The following LDB2 variants were observed in gnomAD, a reference collection of about 807,000 sequenced individuals.
The protein encoded by LDB2 is LIM domain binding 2, also known as LIM domain-binding protein 2.
LDB2 carries 12 observed loss-of-function variants against 44.3 expected under a neutral mutation model. That is an observed-to-expected ratio of 0.27 (90% CI 0.17 to 0.44). The LOEUF (loss-of-function observed/expected upper bound fraction) is 0.44, where lower values mean the gene tolerates loss of function less well. LDB2 is among the 20% of genes least tolerant of loss of function. LDB2 has a pLI of 1.00. For synonymous variants in LDB2, 164 were observed against 174.8 expected (o/e 0.94, Z 0.49); for missense variants, 344 against 473.5 (o/e 0.73, Z 2.54).
intron 2 of LDB2, among the ~76,000 whole-genome samples, chr4:16,690,459 C>CAGGACGGAAGGAAGGAAGGA (rs1750359720): frequency 2.0e-5 from 1 of 50,274 alleles, no homozygotes; most frequent in Admixed American, 3.0e-4. Flanking sequence ...GAAGACCCTG[C>CAGGACGGAAGGAAGGAAGGA]AGGAAGGAAG....
intron 1 of LDB2, among the ~76,000 whole-genome samples, chr4:16,878,011 G>A (rs944128255): frequency 5.9e-5 from 9 of 152,064 alleles, no homozygotes; most frequent in Non-Finnish European, 1.2e-4. Context: ...AAATGGCAAA[G>A]AGAATAAACT....
At chr4:16,780,398 T>G (rs973963477) in intron 1 of LDB2, among the ~76,000 whole-genome samples, 3 of 152,076 alleles carry the variant, frequency 2.0e-5, no homozygotes, top group African/African-American at 7.2e-5. Flanking sequence ...AATTTTTGTA[T>G]TTTTGGTACT....
intron 1 of LDB2, among the ~76,000 whole-genome samples, chr4:16,768,272 G>A (rs1053245265): frequency 1.6e-4 from 24 of 152,080 alleles, no homozygotes; most frequent in African/African-American, 5.6e-4. Flanking sequence ...GGAGATGGGA[G>A]GGCATTGACT....
chr4:16,634,043 G>A (rs1467348417), intron 2 of LDB2, among the ~76,000 whole-genome samples: 1 of 152,118 alleles, frequency 6.6e-6, no homozygotes, highest in Non-Finnish European at 1.5e-5. Context: ...ATGGTGTTGG[G>A]AAAACTGGCT....
At chr4:16,706,842 T>A (rs2152648765) in intron 2 of LDB2, among the ~76,000 whole-genome samples, 1 of 152,126 alleles carries the variant, frequency 6.6e-6, no homozygotes, top group East Asian at 1.9e-4. Flanking sequence ...CTCAGATACC[T>A]CAAGGCAGAT....
intron 1 of LDB2, among the ~76,000 whole-genome samples, chr4:16,818,861 C>A (rs886852169): frequency 6.6e-6 from 1 of 152,158 alleles, no homozygotes; most frequent in Non-Finnish European, 1.5e-5. Context: ...GACAGGGTTA[C>A]TTGAATTTAG....
At chr4:16,886,394 T>C (rs968800009) in intron 1 of LDB2, among the ~76,000 whole-genome samples, 4 of 152,222 alleles carry the variant, frequency 2.6e-5, no homozygotes, top group African/African-American at 4.8e-5. Context: ...AAAATACTCA[T>C]AATTTTACTT....
intron 5 of LDB2, among the ~76,000 whole-genome samples, chr4:16,551,462 T>C (rs1012820853): frequency 6.6e-6 from 1 of 152,178 alleles, no homozygotes; most frequent in African/African-American, 2.4e-5. Context: ...CATGAAAAAG[T>C]CCTCTGTAAG....
At position 16,763,073 on chromosome 4, in the gene LDB2, C is replaced by CCACACACA. The variant is rs57168902; in HGVS notation, c.133-3821_133-3814dup. Among the ~76,000 whole-genome samples, 58 of 140,234 alleles carry CCACACACA rather than the reference C, an allele frequency of 4.1e-4. 1 individual carries two copies. Among genetic ancestry groups the CCACACACA allele is most frequent in the South Asian group, 2.9e-3 (12 of 4,114 alleles). The allele number at this position is 140,234 out of a possible 152,430, so 92.0% of individuals were successfully genotyped here. ...GGGAGAATGGGCACATTAGGTAACA[C>CCACACACA]CACACACACACACACACACACACAC... On this transcript the variant is annotated intron_variant, in intron 1 of 7. Transcript: ENST00000304523.
chr4:16,753,730 G>A (rs1765927786), intron 2 of LDB2, among the ~76,000 whole-genome samples: 1 of 152,168 alleles, frequency 6.6e-6, no homozygotes, highest in Non-Finnish European at 1.5e-5. Flanking sequence ...TCCAGACAGG[G>A]TACTAAGGTC....
intron 1 of LDB2, among the ~76,000 whole-genome samples, chr4:16,822,478 T>G (rs1782285129): frequency 6.6e-6 from 1 of 152,144 alleles, no homozygotes; most frequent in Non-Finnish European, 1.5e-5. Flanking sequence ...ACTCTCTACA[T>G]AATCTTAGTT....
chr4:16,628,872 T>C (rs999864838), intron 2 of LDB2, among the ~76,000 whole-genome samples: 4 of 152,164 alleles, frequency 2.6e-5, no homozygotes, highest in Non-Finnish European at 5.9e-5. Context: ...TGAGTGACTG[T>C]ACCTGGAGAA....
At chr4:16,612,704 G>C (rs1426469488) in intron 2 of LDB2, among the ~76,000 whole-genome samples, 1 of 152,148 alleles carries the variant, frequency 6.6e-6, no homozygotes, top group Non-Finnish European at 1.5e-5. Context: ...AATTTAGGCA[G>C]TAATTAATAG....
chr4:16,841,688 T>C (rs931565440), intron 1 of LDB2, among the ~76,000 whole-genome samples: 1 of 152,228 alleles, frequency 6.6e-6, no homozygotes, highest in African/African-American at 2.4e-5. Context: ...CAAAATGTTT[T>C]GTAAACTATA....
At chr4:16,658,339 G>A (rs1270755679) in intron 2 of LDB2, among the ~76,000 whole-genome samples, 1 of 152,178 alleles carries the variant, frequency 6.6e-6, no homozygotes, top group African/African-American at 2.4e-5. Context: ...TACACTGGTA[G>A]GTCTCTGCAT....
chr4:16,857,596 C>G (rs777835822), intron 1 of LDB2, among the ~76,000 whole-genome samples: 21 of 152,220 alleles, frequency 1.4e-4, no homozygotes, highest in Non-Finnish European at 2.6e-4. Flanking sequence ...GCTCACTCTG[C>G]TCCGAGCACA....
intron 2 of LDB2, among the ~76,000 whole-genome samples, chr4:16,743,401 A>G (rs1398578349): frequency 6.6e-6 from 1 of 152,094 alleles, no homozygotes; most frequent in Non-Finnish European, 1.5e-5. Context: ...CCCCTGGTAT[A>G]TGCACCCTGC....
At chr4:16,895,054 T>A (rs1384904938) in intron 1 of LDB2, among the ~76,000 whole-genome samples, 2 of 151,316 alleles carry the variant, frequency 1.3e-5, no homozygotes, top group Non-Finnish European at 2.9e-5. Context: ...TTTTGTGATT[T>A]TGAACTAAAT....
At chr4:16,658,214 A>C (rs1578537577) in intron 2 of LDB2, among the ~76,000 whole-genome samples, 1 of 152,262 alleles carries the variant, frequency 6.6e-6, no homozygotes, top group Admixed American at 6.5e-5. Flanking sequence ...TATCTTATTA[A>C]GTTTTCTATT....
Sources: allele counts gnomAD v4.1 joint callset (sites outside exome capture counted in the v4.1 genomes callset), GRCh38; gene constraint gnomAD v4.1.1; transcripts MANE v1.5; gene names NCBI Gene and HGNC (gene_info 2026-07-23, HGNC 2026-07-21).